Variants in GPR173 observed in about 807,000 individuals in gnomAD.
The protein encoded by GPR173 is G protein-coupled receptor 173.
Under a neutral mutation model 13.9 loss-of-function variants are expected in GPR173, and 2 were observed. The observed-to-expected ratio is 0.14, with a 90% CI of 0.06 to 0.45. GPR173 has a LOEUF of 0.45. GPR173 is among the 20% of genes least tolerant of loss of function. GPR173 has a pLI of 0.98. For synonymous variants in GPR173, 131 were observed against 141.0 expected (o/e 0.93, Z 0.50); for missense variants, 202 against 340.5 (o/e 0.59, Z 3.20).
intron 1 of GPR173, among the ~76,000 whole-genome samples, chrX:53,061,951 G>A (rs1932130362): frequency 1.2e-5 from 1 of 81,355 alleles, no homozygotes; most frequent in Admixed American, 1.2e-4. Context: ...GCTTTTGCAT[G>A]AGAGAGAGAA....
chrX:53,055,894 G>A (rs1932027887), intron 1 of GPR173, among the ~76,000 whole-genome samples: 1 of 61,224 alleles, frequency 1.6e-5, no homozygotes, highest in African/African-American at 1.4e-4. Flanking sequence ...TTTGGAGTGT[G>A]TGTGTGTGTG....
chrX:53,067,764 C>T (rs965554147), intron 1 of GPR173, among the ~76,000 whole-genome samples: 2 of 101,076 alleles, frequency 2.0e-5, no homozygotes, highest in Admixed American at 1.2e-4. Flanking sequence ...GCAGAGCTTG[C>T]AGTGAGCCGA....
chrX:53,074,338 TTA>T (rs1186358426), intron 1 of GPR173, among the ~76,000 whole-genome samples: 1 of 5,961 alleles, frequency 1.7e-4, no homozygotes, highest in East Asian at 3.9e-3. Flanking sequence ...AAATGTATAT[TTA>T]TATATATTTA....
Position 53,076,858 on chromosome X carries a change from G to T in GPR173, c.237G>T (p.Val79=). ...GIRSAVCFPF[V]LASVRHGSSW... is the part of the protein sequence containing the mutation. The stretch of plus-strand genomic sequence containing the variant: ...GCTCTGCCGTCTGCTTCCCCTTTGT[G>T]CTGGCTTCTGTGCGCCACGGCTCTT... Residue 79 remains valine (V), a synonymous_variant, in exon 2 of 2, where the codon GTG becomes GTT. Transcript: ENST00000332582. The T allele has an allele frequency of 8.3e-7, 1 of 1,210,085 alleles. No homozygotes were observed. Among genetic ancestry groups the T allele is most frequent in the Non-Finnish European group, 1.1e-6 (1 of 895,362 alleles).
intron 1 of GPR173, among the ~76,000 whole-genome samples, chrX:53,058,419 G>T (rs957930644): frequency 6.9e-5 from 6 of 87,526 alleles, no homozygotes; most frequent in African/African-American, 2.3e-4. Flanking sequence ...GATGATCCAG[G>T]TGCACGTGTG....
At chrX:53,059,018 G>A (rs1932080754) in intron 1 of GPR173, among the ~76,000 whole-genome samples, 1 of 108,739 alleles carries the variant, frequency 9.2e-6, no homozygotes, top group Admixed American at 9.9e-5. Context: ...GGGAGGCCGA[G>A]GCGGGCGGAT....
intron 1 of GPR173, among the ~76,000 whole-genome samples, chrX:53,076,187 G>A (rs1338312570): frequency 9.0e-6 from 1 of 110,799 alleles, no homozygotes; most frequent in Non-Finnish European, 1.9e-5. Flanking sequence ...GGGAGGGCTC[G>A]TAGACACACT....
intron 1 of GPR173, among the ~76,000 whole-genome samples, chrX:53,058,221 T>C (rs1303801962): frequency 1.8e-5 from 2 of 112,237 alleles, no homozygotes; most frequent in Non-Finnish European, 3.8e-5. Context: ...TCTGTGAGTG[T>C]GGGTGTGACC....
chrX:53,053,493 C>T (rs1204438612), intron 1 of GPR173, among the ~76,000 whole-genome samples: 2 of 113,092 alleles, frequency 1.8e-5, no homozygotes, highest in East Asian at 2.8e-4. Context: ...GTCACGCATG[C>T]GTGCCTATGT....
At chrX:53,070,492 A>AT (rs1331988617) in intron 1 of GPR173, among the ~76,000 whole-genome samples, 8 of 110,305 alleles carry the variant, frequency 7.3e-5, no homozygotes, top group Admixed American at 1.9e-4. Context: ...TGCATATGTA[A>AT]TTTTTTTTTG....
intron 1 of GPR173, among the ~76,000 whole-genome samples, chrX:53,052,627 G>C (rs1410714716): frequency 9.1e-6 from 1 of 109,396 alleles, no homozygotes; most frequent in East Asian, 2.9e-4. Context: ...GTGTGTGTGT[G>C]TGTGTGAATA....
chrX:53,070,496 T>C (rs1556804669), intron 1 of GPR173, among the ~76,000 whole-genome samples: 2 of 112,120 alleles, frequency 1.8e-5, no homozygotes, highest in Admixed American at 1.9e-4. Flanking sequence ...TATGTAATTT[T>C]TTTTTGAGAT....
At chrX:53,068,791 T>A (rs1556804487) in intron 1 of GPR173, among the ~76,000 whole-genome samples, 2 of 64,699 alleles carry the variant, frequency 3.1e-5, no homozygotes, top group African/African-American at 2.3e-4. Flanking sequence ...TAAATAAATA[T>A]TTTTCATAAA....
Position 53,078,119 on chromosome X carries a change from C to G in GPR173, c.*376C>G. The stretch of plus-strand genomic sequence containing the variant: ...TTCTACTAACAGCTGAGGAGACAGG[C>G]TTTCTTACTTTAATGTCTCTCCTTC... On this transcript the variant is annotated 3_prime_UTR_variant, in exon 2 of 2. Coordinates refer to ENST00000332582, the MANE Select transcript of GPR173 (RefSeq NM_018969.6). 5.1e-6 allele frequency: 1 copy of G among 197,541 alleles called. No individual in the cohort carries two copies. Among genetic ancestry groups the G allele is most frequent in the Non-Finnish European group, 9.9e-6 (1 of 100,985 alleles). 16.3% of individuals were successfully genotyped at this position (197,541 alleles called of 1,213,427 possible).
At chrX:53,058,498 A>G (rs1257653759) in intron 1 of GPR173, among the ~76,000 whole-genome samples, 18 of 109,228 alleles carry the variant, frequency 1.6e-4, no homozygotes, top group African/African-American at 6.0e-4. Context: ...GTCTCTCTGT[A>G]TTTATAAACC....
intron 1 of GPR173, among the ~76,000 whole-genome samples, chrX:53,053,457 A>G (rs190774399): frequency 8.8e-6 from 1 of 113,162 alleles, no homozygotes; most frequent in African/African-American, 3.2e-5. Flanking sequence ...TACGTCATTC[A>G]TGGGCATTAT....
intron 1 of GPR173, among the ~76,000 whole-genome samples, chrX:53,071,857 A>AGT (rs1191127902): frequency 5.4e-5 from 6 of 110,373 alleles, no homozygotes; most frequent in Non-Finnish European, 7.6e-5. Context: ...CGTATGTGTG[A>AGT]GTGTGTGTGT....
intron 1 of GPR173, among the ~76,000 whole-genome samples, chrX:53,064,102 C>A (rs1274013570): frequency 9.0e-6 from 1 of 111,637 alleles, no homozygotes; most frequent in Non-Finnish European, 1.9e-5. Context: ...TATGGCTTTA[C>A]AGGCTTTTTC....
chrX:53,054,085 G>A (rs950791867), intron 1 of GPR173, among the ~76,000 whole-genome samples: 1 of 111,512 alleles, frequency 9.0e-6, no homozygotes, highest in African/African-American at 3.3e-5. Flanking sequence ...TGCCATCCAG[G>A]CAGAAATCTA....
Sources: allele counts gnomAD v4.1 joint callset (sites outside exome capture counted in the v4.1 genomes callset), GRCh38; gene constraint gnomAD v4.1.1; transcripts MANE v1.5; gene names NCBI Gene and HGNC (gene_info 2026-07-23, HGNC 2026-07-21).